The following ERICH2 variants were observed in gnomAD, a reference collection of about 807,000 sequenced individuals.
ERICH2 encodes glutamate-rich protein 2.
In ERICH2, 17 loss-of-function variants were observed where a neutral mutation model predicts 17.4. The ratio of observed to expected loss-of-function variants is 0.98; its 90% CI spans 0.67 to 1.47. The LOEUF is 1.47. Among genes scored for constraint, ERICH2 ranks in the 40% most tolerant of loss-of-function variants. ERICH2 has a pLI of 0.00. For synonymous variants in ERICH2, 51 were observed against 61.1 expected (o/e 0.83, Z 0.77); for missense variants, 186 against 183.2 (o/e 1.01, Z -0.09).
rs143668320 is a variant in ERICH2 at position 170,786,312 on chromosome 2, A to AT, written c.216+1489dup. Among the ~76,000 whole-genome samples the AT allele has an allele frequency of 4.0e-5, 6 of 150,326 alleles. No individual in the cohort carries two copies. The South Asian group carries it at 8.4e-4, about 21-fold the overall frequency. On this transcript the variant is annotated intron_variant, in intron 2 of 4. Coordinates refer to ENST00000409885, the Ensembl canonical transcript of ERICH2. Reference sequence around the variant, plus strand: ...AGCTAGAGAATTCTAGATTGCCAAGATTTTTTTTTTAGGGCTTTGAACGGT... The same window carrying AT: ...AGCTAGAGAATTCTAGATTGCCAAGATTTTTTTTTTTAGGGCTTTGAACGGT...
intron 3 of ERICH2, among the ~76,000 whole-genome samples, chr2:170,797,085 A>G (rs1701444476): frequency 6.6e-6 from 1 of 152,206 alleles, no homozygotes; most frequent in Non-Finnish European, 1.5e-5. Context: ...TAGTACTGAA[A>G]ACAATGGGTC....
At chr2:170,788,530 G>C (rs1164555751) in intron 2 of ERICH2, among the ~76,000 whole-genome samples, 1 of 151,786 alleles carries the variant, frequency 6.6e-6, no homozygotes, top group East Asian at 1.9e-4. Context: ...TGAGTTCAGT[G>C]GCGTGATCTC....
At chr2:170,780,869 G>A (rs1701009642), upstream of ERICH2, among the ~76,000 whole-genome samples, 1 of 152,182 alleles carries the variant, frequency 6.6e-6, no homozygotes, top group African/African-American at 2.4e-5. Context: ...AATCACTAGT[G>A]TGGTGAACTT....
the ERICH2 span, among the ~76,000 whole-genome samples, chr2:170,771,983 T>C: frequency 4.6e-5 from 7 of 152,286 alleles, no homozygotes; most frequent in Non-Finnish European, 7.3e-5. The surrounding 1 kb of genome is among the most constrained non-coding windows in gnomAD (Gnocchi z 4.8). Flanking sequence ...TTCATTTTTC[T>C]AAAAACCAAA....
exon 4 of ERICH2, chr2:170,798,106 C>G (rs1167147941): frequency 1.6e-5 from 24 of 1,541,342 alleles, no homozygotes; most frequent in East Asian, 2.4e-5. Context: ...AGAAATGTTG[C>G]TGATGGGTAA....
At chr2:170,775,793 C>T in the ERICH2 span, 1 of 154,280 alleles carries the variant, frequency 6.5e-6, no homozygotes, top group Non-Finnish European at 1.5e-5. Flanking sequence ...GAAAGCAAAG[C>T]CTGAGGCAGA....
chr2:170,773,064 AAAT>A, the ERICH2 span, among the ~76,000 whole-genome samples: 1 of 152,180 alleles, frequency 6.6e-6, no homozygotes, highest in African/African-American at 2.4e-5. Context: ...TGTGGAGTCC[AAAT>A]AATACCAACT....
chr2:170,774,206 A>T, the ERICH2 span, among the ~76,000 whole-genome samples: 1 of 152,200 alleles, frequency 6.6e-6, no homozygotes, highest in Non-Finnish European at 1.5e-5. Flanking sequence ...GGTAGTTTTT[A>T]AAATTAATTA....
chr2:170,795,079 A>G (rs768228160), intron 3 of ERICH2, among the ~76,000 whole-genome samples: 1 of 149,984 alleles, frequency 6.7e-6, no homozygotes. Flanking sequence ...CTCCCAGCTC[A>G]GGCAATCCTC....
At chr2:170,775,294 T>C in the ERICH2 span, among the ~76,000 whole-genome samples, 4 of 150,214 alleles carry the variant, frequency 2.7e-5, no homozygotes, top group African/African-American at 9.8e-5. Flanking sequence ...TAGCCGGATG[T>C]GGTGGTGCAC....
At chr2:170,771,790 C>A in the ERICH2 span, among the ~76,000 whole-genome samples, 1 of 152,098 alleles carries the variant, frequency 6.6e-6, no homozygotes, top group African/African-American at 2.4e-5. The surrounding 1 kb of genome is among the most constrained non-coding windows in gnomAD (Gnocchi z 4.8). Context: ...TGATATTGTT[C>A]TTTTGACTAC....
intron 3 of ERICH2, among the ~76,000 whole-genome samples, chr2:170,794,202 G>A (rs1701363043): frequency 7.0e-6 from 1 of 143,146 alleles, no homozygotes; most frequent in Non-Finnish European, 1.5e-5. Flanking sequence ...TGCCTCCTGA[G>A]TTCAAGTGAT....
chr2:170,776,598 G>A, the ERICH2 span, among the ~76,000 whole-genome samples: 14 of 152,038 alleles, frequency 9.2e-5, no homozygotes, highest in Non-Finnish European at 1.3e-4. Context: ...GGTTGGTCTC[G>A]AACTCCTGAC....
chr2:170,796,468 C>G (rs1302324122), intron 3 of ERICH2, among the ~76,000 whole-genome samples: 1 of 133,460 alleles, frequency 7.5e-6, no homozygotes, highest in African/African-American at 2.8e-5. Context: ...CAGCGTCTCC[C>G]TCAGTCACTT....
the ERICH2 span, chr2:170,770,974 T>TGCCCCCGCCCCC: frequency 2.2e-4 from 8 of 35,594 alleles, no homozygotes; most frequent in South Asian, 5.3e-3. Flanking sequence ...GGGCTGCCCC[T>TGCCCCCGCCCCC]GCCCCCGCCC....
At chr2:170,794,692 A>C (rs1701374470) in intron 3 of ERICH2, among the ~76,000 whole-genome samples, 1 of 152,258 alleles carries the variant, frequency 6.6e-6, no homozygotes, top group African/African-American at 2.4e-5. Context: ...ACTTGTTGAC[A>C]ACAAGACTCA....
upstream of ERICH2, among the ~76,000 whole-genome samples, chr2:170,781,560 G>A (rs1328475155): frequency 2.0e-5 from 3 of 151,802 alleles, no homozygotes; most frequent in Non-Finnish European, 2.9e-5. Flanking sequence ...TTGAACCTGG[G>A]AGGCAGAGGT....
At chr2:170,783,723 C>T (rs1701081773), upstream of ERICH2, 2 of 1,445,390 alleles carry the variant, frequency 1.4e-6, no homozygotes, top group Non-Finnish European at 1.9e-6. Flanking sequence ...GAGACAGTTC[C>T]TGTGACATCA....
the ERICH2 span, among the ~76,000 whole-genome samples, chr2:170,775,421 G>A: frequency 2.0e-5 from 3 of 152,020 alleles, no homozygotes; most frequent in African/African-American, 7.2e-5. Flanking sequence ...GACAGAGCGA[G>A]ACTCTGTCTC....
Sources: gnomAD v4.1 joint callset for allele counts (sites outside exome capture counted in the v4.1 genomes callset) on GRCh38, gnomAD v4.1.1 for gene constraint, Gnocchi (gnomAD v3.1) non-coding constraint, MANE v1.5 for transcripts, NCBI Gene and HGNC (gene_info 2026-07-23, HGNC 2026-07-21) for gene names.